The following IL1RAPL1 variants were observed in gnomAD, a reference collection of about 807,000 sequenced individuals.
IL1RAPL1 encodes the protein interleukin 1 receptor accessory protein like 1.
In IL1RAPL1, 3 loss-of-function variants were observed where a neutral mutation model predicts 48.4. The ratio of observed to expected loss-of-function variants is 0.06; its 90% CI spans 0.03 to 0.16. The LOEUF is 0.16. IL1RAPL1 is among the 10% of genes least tolerant of loss of function. The probability of loss-of-function intolerance (pLI) is 1.00; values close to 1 mark genes in which losing one functional copy is unlikely to be tolerated. For synonymous variants in IL1RAPL1, 185 were observed against 187.7 expected (o/e 0.99, Z 0.12); for missense variants, 349 against 530.6 (o/e 0.66, Z 3.36).
At chrX:29,351,375 T>C (rs1264941253) in intron 3 of IL1RAPL1, among the ~76,000 whole-genome samples, 1 of 111,749 alleles carries the variant, frequency 8.9e-6, no homozygotes, top group Non-Finnish European at 1.9e-5. Context: ...CCTGAATCTA[T>C]TTCCTTAAGT....
In IL1RAPL1 at chrX:29,408,034, C is replaced by A. The variant is rs374263659; in HGVS notation, c.703+8726C>A. ...CCTTGCACTAAACTCTAACTCACATCCAGACTACACTATAACCCTAGTCTT... is the reference window on the plus strand; with the variant it reads ...CCTTGCACTAAACTCTAACTCACATACAGACTACACTATAACCCTAGTCTT... On this transcript the variant is annotated intron_variant, in intron 5 of 10. Coordinates refer to ENST00000378993, the MANE Select transcript of IL1RAPL1 (RefSeq NM_014271.4). Among the ~76,000 whole-genome samples the A allele has an allele frequency of 6.3e-5, 7 of 111,788 alleles. No individual in the cohort carries two copies. The East Asian group carries it at 2.0e-3, about 31-fold the overall frequency.
chrX:28,949,637 G>A (rs944405388), intron 2 of IL1RAPL1, among the ~76,000 whole-genome samples: 1 of 110,648 alleles, frequency 9.0e-6, no homozygotes, highest in Non-Finnish European at 1.9e-5. Context: ...CATTCTAACT[G>A]GTGTGAGATG....
At chrX:29,391,510 C>T (rs1178144378) in intron 3 of IL1RAPL1, among the ~76,000 whole-genome samples, 1 of 110,319 alleles carries the variant, frequency 9.1e-6, no homozygotes, top group African/African-American at 3.3e-5. Context: ...GTCATTTGCT[C>T]CCTTATATCA....
Position 29,470,367 on chromosome X carries a change from G to A in IL1RAPL1, c.703+71059G>A, listed in dbSNP as rs977734332. 4.5e-5 allele frequency among the ~76,000 whole-genome samples: 5 copies of A among 111,106 alleles called. No individual in the cohort carries two copies. The East Asian group carries it at 1.4e-3, about 31-fold the overall frequency. On this transcript the variant is annotated intron_variant, in intron 5 of 10. Coordinates refer to ENST00000378993, the MANE Select transcript of IL1RAPL1 (RefSeq NM_014271.4). The stretch of plus-strand genomic sequence containing the variant: ...AGCTTACCAGAGGCTTCTGTATGTG[G>A]TAAATCATACATTGATATAAAAAGT...
chrX:28,786,144 CAAT>C lies in IL1RAPL1; in HGVS notation c.-24-3167_-24-3165del, dbSNP rs370718052. ...AGTATGAATTAATTGGTAGTACTTA[CAAT>C]AATAATAAAAGTAATAACAATTAAC... On this transcript the variant is annotated intron_variant, in intron 1 of 10. Coordinates refer to ENST00000378993, the MANE Select transcript of IL1RAPL1 (RefSeq NM_014271.4). 3.1e-3 allele frequency among the ~76,000 whole-genome samples: 346 copies of C among 111,246 alleles called. 3 individuals carry two copies. Among genetic ancestry groups the C allele is most frequent in the African/African-American group, 0.011 (332 of 30,612 alleles).
Position 29,508,099 on chromosome X carries a change from GT to G in IL1RAPL1, c.703+108799del, listed in dbSNP as rs755597327. Among the ~76,000 whole-genome samples the G allele has an allele frequency of 5.1e-4, 57 of 110,932 alleles. 1 individual carries two copies. The highest frequency in any genetic ancestry group is 1.7e-3 in the African/African-American group (53 of 30,482). ...GTGAAATCAATCTCCTCCTTCTACT[GT>G]TTTTTTTAATACTTAAAAACATTAT... is the stretch of plus-strand genomic sequence containing the variant. On this transcript the variant is annotated intron_variant, in intron 5 of 10. Coordinates refer to ENST00000378993, the MANE Select transcript of IL1RAPL1 (RefSeq NM_014271.4).
At chrX:29,870,713 A>G (rs748657238) in intron 6 of IL1RAPL1, among the ~76,000 whole-genome samples, 2 of 111,971 alleles carry the variant, frequency 1.8e-5, no homozygotes, top group African/African-American at 6.5e-5. Context: ...CCGAGGACTC[A>G]TATCTCAGAC....
intron 6 of IL1RAPL1, among the ~76,000 whole-genome samples, chrX:29,738,236 C>A (rs766291699): frequency 3.6e-5 from 4 of 110,453 alleles, no homozygotes; most frequent in Non-Finnish European, 7.6e-5. Flanking sequence ...ACATTAAATA[C>A]ATTCGCTAAC....
intron 2 of IL1RAPL1, among the ~76,000 whole-genome samples, chrX:29,228,501 C>T (rs752099003): frequency 2.8e-5 from 3 of 107,653 alleles, no homozygotes; most frequent in Non-Finnish European, 5.8e-5. Flanking sequence ...ATTACAGATG[C>T]GTGCCACCAC....
At chrX:29,855,586 T>TA (rs1449429135) in intron 6 of IL1RAPL1, among the ~76,000 whole-genome samples, 1 of 111,485 alleles carries the variant, frequency 9.0e-6, no homozygotes, top group African/African-American at 3.3e-5. Context: ...AGAGAGAAGA[T>TA]AAAGTCTTAA....
At chrX:29,760,139 G>A (rs1272518518) in intron 6 of IL1RAPL1, among the ~76,000 whole-genome samples, 2 of 111,660 alleles carry the variant, frequency 1.8e-5, no homozygotes, top group Non-Finnish European at 3.8e-5. Context: ...CAATCATTGC[G>A]AGATGGGGAG....
intron 2 of IL1RAPL1, among the ~76,000 whole-genome samples, chrX:29,129,198 C>T (rs907041331): frequency 9.1e-6 from 1 of 109,953 alleles, no homozygotes; most frequent in African/African-American, 3.3e-5. Flanking sequence ...CATGTGCCAC[C>T]ACGCCTGGCT....
intron 2 of IL1RAPL1, among the ~76,000 whole-genome samples, chrX:29,253,065 A>C (rs1164447016): frequency 5.4e-5 from 6 of 111,142 alleles, no homozygotes; most frequent in Non-Finnish European, 1.1e-4. Flanking sequence ...TATCTGAGAG[A>C]TACCTCTCAT....
chrX:28,623,108 T>A (rs1207892670), intron 1 of IL1RAPL1, among the ~76,000 whole-genome samples: 1 of 110,875 alleles, frequency 9.0e-6, no homozygotes, highest in Non-Finnish European at 1.9e-5. Context: ...GAGATATATA[T>A]CTATATATCT....
rs779630201 is a variant in IL1RAPL1, at chrX:29,360,842, T to G, written c.363-35416T>G. 1.2e-4 allele frequency among the ~76,000 whole-genome samples: 13 copies of G among 112,177 alleles called. No individual in the cohort carries two copies. The South Asian group carries it at 4.4e-3, about 38-fold the overall frequency. On this transcript the variant is annotated intron_variant, in intron 3 of 10. Transcript: ENST00000378993. ...AATTACTATACATTTATTATTAATTTGTACATCAAATGATCTTTCATCTTT... is the reference window on the plus strand; with the variant it reads ...AATTACTATACATTTATTATTAATTGGTACATCAAATGATCTTTCATCTTT...
At position 29,589,046 on chromosome X, in the gene IL1RAPL1, G is replaced by A. The variant is rs138314206; in HGVS notation, c.704-79384G>A. 5.9e-3 allele frequency among the ~76,000 whole-genome samples: 654 copies of A among 111,116 alleles called. 4 individuals are homozygous for A. The highest frequency in any genetic ancestry group is 8.1e-3 in the Non-Finnish European group (427 of 52,992). On this transcript the variant is annotated intron_variant, in intron 5 of 10. Transcript: ENST00000378993. The stretch of plus-strand genomic sequence containing the variant: ...AATTGGTAGGCATGTTAAGAGTGCC[G>A]AATCTTAGGCCACATTTATACTAAG...
At chrX:29,160,779 T>G (rs1300018909) in intron 2 of IL1RAPL1, among the ~76,000 whole-genome samples, 1 of 111,666 alleles carries the variant, frequency 9.0e-6, no homozygotes, top group African/African-American at 3.3e-5. Context: ...GTGGGCCGGG[T>G]TGGGTGGCTC....
chrX:29,198,415 G>C (rs181427537), intron 2 of IL1RAPL1, among the ~76,000 whole-genome samples: 3 of 109,355 alleles, frequency 2.7e-5, no homozygotes, highest in East Asian at 2.9e-4. Flanking sequence ...TCTGCCTCAG[G>C]CTCCCGAGTA....
chrX:29,783,738 T>C (rs1929422358), intron 6 of IL1RAPL1, among the ~76,000 whole-genome samples: 2 of 112,196 alleles, frequency 1.8e-5, no homozygotes, highest in Admixed American at 9.5e-5. Context: ...ACTGCTATTA[T>C]TGTTATTGTT....
Sources: gnomAD v4.1 joint callset for allele counts (sites outside exome capture counted in the v4.1 genomes callset) on GRCh38, gnomAD v4.1.1 for gene constraint, MANE v1.5 for transcripts, NCBI Gene and HGNC (gene_info 2026-07-23, HGNC 2026-07-21) for gene names.